Variants in PLEKHH2 observed in about 807,000 individuals in gnomAD.
The protein encoded by PLEKHH2 is pleckstrin homology domain-containing family H member 2.
A neutral mutation model predicts 187.9 loss-of-function variants in PLEKHH2; 129 were observed. The ratio of observed to expected loss-of-function variants is 0.69; its 90% CI spans 0.59 to 0.79. PLEKHH2 has a LOEUF of 0.79. Among genes scored for constraint, PLEKHH2 ranks in the 30% least tolerant of loss-of-function variants. The probability of loss-of-function intolerance (pLI) is 0.00; values close to 1 mark genes in which losing one functional copy is unlikely to be tolerated. For synonymous variants in PLEKHH2, 686 were observed against 605.6 expected, an observed-to-expected ratio of 1.13 and a Z score of -1.95; for missense variants, 2,076 against 1,751.2, an observed-to-expected ratio of 1.19 and a Z score of -3.31.
Position 43,710,268 on chromosome 2 carries a change from A to C in PLEKHH2, c.2152A>C (p.Lys718Gln). 1 of 1,614,174 alleles carries C rather than the reference A, an allele frequency of 6.2e-7. No homozygotes were observed. The highest frequency in any genetic ancestry group is 8.5e-7 in the Non-Finnish European group (1 of 1,180,026). Residue 718 changes from lysine (K) to glutamine (Q), a missense_variant, in exon 13 of 30, where the codon AAG (lysine) becomes CAG (glutamine). Lys to Gln is a moderately conservative substitution (Grantham distance 53). Transcript: ENST00000282406. Reference sequence around the variant, plus strand: ...TTTATTAAAAATGAGTGGTAAAGTCAAGTCTTGGAAGCGGCGGTGGTTTGT... The same window carrying C: ...TTTATTAAAAATGAGTGGTAAAGTCCAGTCTTGGAAGCGGCGGTGGTTTGT... ...GYLLKMSGKV[K>Q]SWKRRWFVLK...
At chr2:43,731,443 AT>A (rs1671031669) in intron 18 of PLEKHH2, 46 bp from the exon 19 acceptor site, 1 of 1,255,704 alleles carries the variant, frequency 8.0e-7, no homozygotes, top group African/African-American at 1.5e-5. Flanking sequence ...AGAGGCCACA[AT>A]AAGTGGTTTA....
At chr2:43,696,155 C>G (rs1490334069) in intron 6 of PLEKHH2, among the ~76,000 whole-genome samples, 2 of 152,088 alleles carry the variant, frequency 1.3e-5, no homozygotes, top group African/African-American at 2.4e-5. Flanking sequence ...AAACATATAT[C>G]TCCAAAATTA....
chr2:43,691,784 A>AAGT (rs1463260257), intron 3 of PLEKHH2, among the ~76,000 whole-genome samples: 6 of 152,260 alleles, frequency 3.9e-5, no homozygotes, highest in Middle Eastern at 3.4e-3. Flanking sequence ...CGGCCTCCCA[A>AAGT]AGTGCTGGGA....
intron 10 of PLEKHH2, among the ~76,000 whole-genome samples, chr2:43,707,076 A>G (rs1390290339): frequency 6.6e-6 from 1 of 151,568 alleles, no homozygotes; most frequent in Non-Finnish European, 1.5e-5. Flanking sequence ...GGTGCCTGTA[A>G]TCCCAGCTAC....
At chr2:43,677,714 T>C (rs970896410) in intron 2 of PLEKHH2, among the ~76,000 whole-genome samples, 12 of 151,596 alleles carry the variant, frequency 7.9e-5, no homozygotes, top group African/African-American at 1.7e-4. Context: ...AGCTGTTGGG[T>C]ACACCTCCAA....
intron 7 of PLEKHH2, 114 bp from the exon 8 acceptor site, chr2:43,699,533 G>A: frequency 7.6e-7 from 1 of 1,315,410 alleles, no homozygotes; most frequent in Non-Finnish European, 1.0e-6. Context: ...ACACACCACT[G>A]CACCCAGCAA....
intron 15 of PLEKHH2, among the ~76,000 whole-genome samples, chr2:43,717,610 G>A (rs1670275888): frequency 6.6e-6 from 1 of 152,142 alleles, no homozygotes; most frequent in Non-Finnish European, 1.5e-5. Flanking sequence ...AAAAGTGGAG[G>A]GACAGCAAAG....
At chr2:43,691,687 A>T (rs1046429477) in intron 3 of PLEKHH2, among the ~76,000 whole-genome samples, 81 of 147,538 alleles carry the variant, frequency 5.5e-4, no homozygotes, top group African/African-American at 2.1e-3. Flanking sequence ...TTCTTTTTTT[A>T]AAAAAACATA....
intron 15 of PLEKHH2, among the ~76,000 whole-genome samples, chr2:43,720,204 T>C (rs17031342): frequency 0.019 from 2,904 of 152,274 alleles, 102 homozygotes; most frequent in African/African-American, 0.064. Flanking sequence ...GTTTGATGCA[T>C]AGTAAACATT....
In PLEKHH2 at chr2:43,685,702, A is replaced by G. The variant is rs1459311274; in HGVS notation, c.186+6777A>G. 4.0e-5 allele frequency among the ~76,000 whole-genome samples: 6 copies of G among 149,498 alleles called. No individual in the cohort carries two copies. The East Asian group carries it at 1.2e-3, about 29-fold the overall frequency. ...AGCAATCCTCCAGCCTCAGCCTTCC[A>G]AAGTGCTGGGATTACCGGCATGAGC... is the stretch of plus-strand genomic sequence containing the variant. On this transcript the variant is annotated intron_variant, in intron 3 of 29. Transcript: ENST00000282406.
At chr2:43,735,340 AT>A (rs1486987717) in intron 19 of PLEKHH2, among the ~76,000 whole-genome samples, 2 of 152,230 alleles carry the variant, frequency 1.3e-5, no homozygotes, top group Non-Finnish European at 2.9e-5. Context: ...CAAATATCTT[AT>A]GTTTTCACTC....
At chr2:43,730,681 G>A (rs1170376852) in intron 18 of PLEKHH2, among the ~76,000 whole-genome samples, 2 of 152,192 alleles carry the variant, frequency 1.3e-5, no homozygotes, top group African/African-American at 4.8e-5. Context: ...TTACAGGCAT[G>A]AGCCACTGTG....
At chr2:43,719,648 C>T (rs1006563594) in intron 15 of PLEKHH2, among the ~76,000 whole-genome samples, 2 of 152,220 alleles carry the variant, frequency 1.3e-5, no homozygotes, top group African/African-American at 4.8e-5. Context: ...CCATATTGGT[C>T]AGGCTGGTCT....
At chr2:43,735,427 G>A (rs960526405) in intron 19 of PLEKHH2, among the ~76,000 whole-genome samples, 1 of 152,140 alleles carries the variant, frequency 6.6e-6, no homozygotes, top group Admixed American at 6.5e-5. Context: ...AGGCTGGGTA[G>A]TAGGGGGTGG....
rs1264016377 is a variant in PLEKHH2 at position 43,699,628 on chromosome 2, A to G, written c.689-19A>G. ...ATATTCTTAAAGGCAGCATGCTGAT[A>G]TGATGTATCCTTTTCTAGAAATGGA... On this transcript the variant is annotated intron_variant, in intron 7 of 29. Coordinates refer to ENST00000282406, the MANE Select transcript of PLEKHH2 (RefSeq NM_172069.4). The G allele has an allele frequency of 5.6e-6, 9 of 1,602,764 alleles. No individual in the cohort carries two copies. The highest frequency in any genetic ancestry group is 1.1e-5 in the South Asian group (1 of 89,672).
chr2:43,693,681 AC>A (rs1157263928), intron 4 of PLEKHH2, among the ~76,000 whole-genome samples: 4 of 132,474 alleles, frequency 3.0e-5, no homozygotes, highest in African/African-American at 1.2e-4. Flanking sequence ...CCGAGATTGC[AC>A]CACTGCACTC....
chr2:43,682,457 C>A (rs546937564), intron 3 of PLEKHH2, among the ~76,000 whole-genome samples: 7 of 152,044 alleles, frequency 4.6e-5, no homozygotes, highest in Non-Finnish European at 8.8e-5. Flanking sequence ...TAGGCACCCA[C>A]CACCACGCCT....
Position 43,644,655 on chromosome 2 carries a change from T to C in PLEKHH2, c.-3-16T>C, listed in dbSNP as rs1307760011. On this transcript the variant is annotated splice_polypyrimidine_tract_variant and intron_variant, in intron 1 of 29. Transcript: ENST00000282406. Reference sequence around the variant, plus strand: ...TTTACTTTTTAATTTTTTGTTTATTTATTTAATTTTTTTAGAATATGGCAG... The same window carrying C: ...TTTACTTTTTAATTTTTTGTTTATTCATTTAATTTTTTTAGAATATGGCAG... 2.0e-6 allele frequency: 3 copies of C among 1,496,478 alleles called. No individual in the cohort carries two copies. Among genetic ancestry groups the C allele is most frequent in the Admixed American group, 2.4e-5 (1 of 41,890 alleles). The allele number at this position is 1,496,478 out of a possible 1,614,324, so 92.7% of individuals were successfully genotyped here.
intron 2 of PLEKHH2, among the ~76,000 whole-genome samples, chr2:43,670,602 T>A (rs1667449728): frequency 6.7e-6 from 1 of 149,064 alleles, no homozygotes; most frequent in Non-Finnish European, 1.5e-5. Flanking sequence ...AGTCTTGATG[T>A]CAGGTATTGT....
Sources: gnomAD v4.1 joint callset for allele counts (sites outside exome capture counted in the v4.1 genomes callset) on GRCh38, gnomAD v4.1.1 for gene constraint, MANE v1.5 for transcripts, NCBI Gene and HGNC (gene_info 2026-07-23, HGNC 2026-07-21) for gene names.